ZNF782: variants seen among roughly 807,000 people sequenced by gnomAD.
The protein encoded by ZNF782 is zinc finger protein 782.
Under a neutral mutation model 13.0 loss-of-function variants are expected in ZNF782, and 12 were observed. The observed-to-expected ratio is 0.92, with a 90% CI of 0.59 to 1.50. The LOEUF (loss-of-function observed/expected upper bound fraction) is 1.50, where lower values mean the gene tolerates loss of function less well. ZNF782 is among the 40% of genes most tolerant of loss of function. ZNF782 has a pLI of 0.00. For missense variants in ZNF782, 770 were observed against 822.9 expected (o/e 0.94, Z 0.79); for synonymous variants, 284 against 283.0 (o/e 1.00, Z -0.04).
At chr9:96,821,420 C>T (rs1044334444) in intron 5 of ZNF782, among the ~76,000 whole-genome samples, 5 of 152,184 alleles carry the variant, frequency 3.3e-5, no homozygotes, top group Admixed American at 6.5e-5. Flanking sequence ...CCAAATTACA[C>T]ACACATACAA....
the ZNF782 span, among the ~76,000 whole-genome samples, chr9:96,913,112 C>T: frequency 3.3e-5 from 5 of 151,252 alleles, no homozygotes; most frequent in African/African-American, 7.2e-5. Context: ...GCCAGAAGTT[C>T]GAGACCAGCC....
rs1178041547 is a variant in ZNF782 at position 96,816,641 on chromosome 9, G to T, written c.*1282C>A. ...TCTCAAATTGATAGATTTTCTCCTT[G>T]TAACAAGCTCTGATATAAAATATGA... On this transcript the variant is annotated 3_prime_UTR_variant, in exon 6 of 6. Coordinates refer to ENST00000481138, the MANE Select transcript of ZNF782 (RefSeq NM_001001662.3). The T allele has an allele frequency of 1.3e-5, 2 of 152,092 alleles. No homozygotes were observed. Among genetic ancestry groups the T allele is most frequent in the African/African-American group, 4.8e-5 (2 of 41,394 alleles). 9.4% of individuals were successfully genotyped at this position (152,092 alleles called of 1,614,324 possible).
chr9:96,865,412 G>T (rs371613292), intron 1 of ZNF782, among the ~76,000 whole-genome samples: 1 of 152,160 alleles, frequency 6.6e-6, no homozygotes, highest in African/African-American at 2.4e-5. Flanking sequence ...ACACAAGCTC[G>T]TCTGTTTGCC....
At chr9:96,877,094 A>G (rs375040373), upstream of ZNF782, among the ~76,000 whole-genome samples, 5 of 152,206 alleles carry the variant, frequency 3.3e-5, no homozygotes, top group South Asian at 8.3e-4. Flanking sequence ...AAACCAGGGA[A>G]ATACGGTCAT....
At chr9:96,831,889 C>T (rs1194740595) in intron 4 of ZNF782, among the ~76,000 whole-genome samples, 1 of 151,924 alleles carries the variant, frequency 6.6e-6, no homozygotes, top group Non-Finnish European at 1.5e-5. Context: ...TTCAATCTAC[C>T]TATTATTTTT....
upstream of ZNF782, among the ~76,000 whole-genome samples, chr9:96,858,967 C>G (rs142595656): frequency 1.9e-3 from 293 of 151,998 alleles, 1 homozygote; most frequent in African/African-American, 7.0e-3. The surrounding 1 kb of genome is among the most constrained non-coding windows in gnomAD (Gnocchi z 4.4). Flanking sequence ...TCTGATGCCT[C>G]CACCCACGGA....
chr9:96,917,426 C>A, the ZNF782 span, among the ~76,000 whole-genome samples: 10 of 151,892 alleles, frequency 6.6e-5, no homozygotes, highest in South Asian at 2.1e-3. Context: ...CATGGAAATT[C>A]GTTTAGTAAA....
Position 96,853,461 on chromosome 9 carries a change from C to T in ZNF782, c.-261-392G>A, listed in dbSNP as rs79147622. Among the ~76,000 whole-genome samples, 683 of 152,300 alleles carry T rather than the reference C, an allele frequency of 4.5e-3. 11 individuals are homozygous for T. Among genetic ancestry groups the T allele is most frequent in the Admixed American group, 0.032 (490 of 15,304 alleles). On this transcript the variant is annotated intron_variant, in intron 1 of 5. Coordinates refer to ENST00000481138, the MANE Select transcript of ZNF782 (RefSeq NM_001001662.3). Reference sequence around the variant, plus strand: ...ACCCCTGCTTCCCACCTCGCAAGGGCTGCTCTGTTCAAGGAGCCTGCGACC... The same window carrying T: ...ACCCCTGCTTCCCACCTCGCAAGGGTTGCTCTGTTCAAGGAGCCTGCGACC...
intron 4 of ZNF782, among the ~76,000 whole-genome samples, chr9:96,832,624 ATTCTT>A (rs1442436661): frequency 1.3e-5 from 2 of 152,100 alleles, no homozygotes; most frequent in Non-Finnish European, 2.9e-5. Context: ...TGTGATAACA[ATTCTT>A]TTCTTTCAGC....
chr9:96,879,839 T>C (rs1851941013), upstream of ZNF782, among the ~76,000 whole-genome samples: 1 of 152,258 alleles, frequency 6.6e-6, no homozygotes, highest in Non-Finnish European at 1.5e-5. Flanking sequence ...CATTCTGTGA[T>C]CTTGCTTAAC....
chr9:96,851,808 G>A, intron 3 of ZNF782, 139 bp downstream of exon 3: 1 of 860,460 alleles, frequency 1.2e-6, no homozygotes, highest in Non-Finnish European at 1.8e-6. Flanking sequence ...AAAGCTGACA[G>A]CAGAGTTCAT....
the ZNF782 span, among the ~76,000 whole-genome samples, chr9:96,883,190 A>G: frequency 6.6e-6 from 1 of 152,206 alleles, no homozygotes; most frequent in Admixed American, 6.5e-5. Context: ...AAACATGGTG[A>G]CAGGATGTTT....
the ZNF782 span, among the ~76,000 whole-genome samples, chr9:96,907,861 G>A: frequency 4.0e-5 from 6 of 151,546 alleles, no homozygotes; most frequent in Non-Finnish European, 7.4e-5. Context: ...GGCTGGTCTC[G>A]AACTCTTGAC....
At chr9:96,928,384 G>C in the ZNF782 span, 1 of 205,730 alleles carries the variant, frequency 4.9e-6, no homozygotes, top group African/African-American at 2.5e-5. Context: ...CATGACCTGG[G>C]GGCACAAGGA....
the ZNF782 span, among the ~76,000 whole-genome samples, chr9:96,921,798 A>G: frequency 2.6e-4 from 39 of 150,382 alleles, no homozygotes; most frequent in African/African-American, 9.0e-4. Context: ...GGTTCAAGCA[A>G]TTCTCCTGCC....
At chr9:96,913,066 C>T in the ZNF782 span, among the ~76,000 whole-genome samples, 2 of 151,172 alleles carry the variant, frequency 1.3e-5, no homozygotes, top group Admixed American at 1.3e-4. Context: ...GTAATCCCAG[C>T]TCTCTTGGGA....
Position 96,819,769 on chromosome 9 carries a change from T to C in ZNF782, c.254A>G (p.Gln85Arg). 1 of 1,572,106 alleles carries C rather than the reference T, an allele frequency of 6.4e-7. No homozygotes were observed. Among genetic ancestry groups the C allele is most frequent in the Non-Finnish European group, 8.6e-7 (1 of 1,166,030 alleles). ...GCTCTTCTCTGAGATTTCATCAGGT[T>C]GGGAGTCTTCTAAAAATGATAAAAT... Reference protein sequence around the residue: ...FLSRNSPEDSQPDEISEKSPE... With the variant: ...FLSRNSPEDSRPDEISEKSPE... The change falls in exon 6 of 6, where the codon CAA becomes CGA. Residue 85 changes from glutamine (Q) to arginine (R), a missense_variant. Gln to Arg is a conservative substitution (Grantham distance 43). Transcript: ENST00000481138.
chr9:96,854,694 C>T (rs146787507), upstream of ZNF782, among the ~76,000 whole-genome samples: 1,905 of 152,326 alleles, frequency 0.013, 46 homozygotes, highest in African/African-American at 0.043. Flanking sequence ...CGCTCAGGCT[C>T]TCCAAGAACA....
the ZNF782 span, among the ~76,000 whole-genome samples, chr9:96,899,450 T>C: frequency 6.6e-6 from 1 of 152,222 alleles, no homozygotes; most frequent in Non-Finnish European, 1.5e-5. Context: ...CTTCCAGATA[T>C]TGGACCTAGG....
Sources: gnomAD v4.1 joint callset for allele counts (sites outside exome capture counted in the v4.1 genomes callset) on GRCh38, gnomAD v4.1.1 for gene constraint, Gnocchi (gnomAD v3.1) non-coding constraint, MANE v1.5 for transcripts, NCBI Gene and HGNC (gene_info 2026-07-23, HGNC 2026-07-21) for gene names.